Variants in NPHS1 observed in about 807,000 individuals in gnomAD.
NPHS1 encodes the protein nephrin.
NPHS1 carries 107 observed loss-of-function variants against 139.7 expected under a neutral mutation model. The observed-to-expected ratio is 0.77, with a 90% CI of 0.66 to 0.90. The LOEUF is 0.90. NPHS1 is among the 40% of genes least tolerant of loss of function. The pLI, the probability that NPHS1 is intolerant of heterozygous loss-of-function variation, is 0.00. For synonymous variants in NPHS1, 707 were observed against 706.6 expected (o/e 1.00, Z -0.01); for missense variants, 1,580 against 1,654.2 (o/e 0.96, Z 0.78).
rs1053234526 is a variant in NPHS1 at position 35,831,347 on chromosome 19, G to A, written c.3336C>T (p.Asn1112=). Residue 1112 remains asparagine, a synonymous_variant, in exon 26 of 29, where the codon AAC becomes AAT. Coordinates refer to ENST00000378910, the MANE Select transcript of NPHS1 (RefSeq NM_004646.4). ...EAGSEEDRVR[N]EYEESQWTGE... ...CTGTCCACTGGCTCTCCTCATATTC[G>A]TTCCTGACTCGGTCCTCTTCCGACC... 5 of 1,613,858 alleles carry A rather than the reference G, an allele frequency of 3.1e-6. No individual in the cohort carries two copies. The highest frequency in any genetic ancestry group is 3.4e-6 in the Non-Finnish European group (4 of 1,179,992).
At chr19:35,835,241 G>C (rs1972941479) in intron 23 of NPHS1, among the ~76,000 whole-genome samples, 1 of 147,904 alleles carries the variant, frequency 6.8e-6, no homozygotes, top group Non-Finnish European at 1.5e-5. Context: ...AGAAAAAAGA[G>C]GAAGCTCTAA....
At chr19:35,851,157 C>T in intron 3 of NPHS1, 68 bp from the exon 4 acceptor site, 2 of 1,613,520 alleles carry the variant, frequency 1.2e-6, no homozygotes, top group Middle Eastern at 1.6e-4. Context: ...AGTTCGGTAC[C>T]CAGAGTCTGG....
chr19:35,840,466 C>G (rs1202351688), intron 20 of NPHS1, among the ~76,000 whole-genome samples: 1 of 150,066 alleles, frequency 6.7e-6, no homozygotes, highest in Non-Finnish European at 1.5e-5. Flanking sequence ...TCCCGAGTAG[C>G]TGGGACTACA....
At position 35,826,445 on chromosome 19, in the gene NPHS1, G is replaced by A. The variant is rs1972801234; in HGVS notation, c.*69C>T. 6.3e-7 allele frequency: 1 copy of A among 1,595,848 alleles called. No homozygotes were observed. Among genetic ancestry groups the A allele is most frequent in the South Asian group, 1.1e-5 (1 of 90,640 alleles). ...GAGCTCACCTAACCAGCTCGGCCCA[G>A]GCTGTAATGAGAGAGACCAGTGGAG... is the stretch of plus-strand genomic sequence containing the variant. On this transcript the variant is annotated 3_prime_UTR_variant, in exon 29 of 29. Transcript: ENST00000378910.
chr19:35,828,274 C>A (rs935699763), intron 28 of NPHS1, among the ~76,000 whole-genome samples: 1 of 150,664 alleles, frequency 6.6e-6, no homozygotes, highest in Non-Finnish European at 1.5e-5. Context: ...TTTTCTTTTT[C>A]TTTTTTTTTG....
rs1167464212 is a variant in NPHS1, at chr19:35,848,689, C to T, written c.1118G>A (p.Arg373Gln). ...CAGCTGCCGCCAGCCCAGCCACCAT[C>T]GTAGCAGAACCCGCGGGCGACTGGA... ...SKSSRPRVLL[R>Q]WWLGWRQLLP... Residue 373 changes from arginine (R) to glutamine (Q), a missense_variant, in exon 9 of 29, where the codon CGA (arginine) becomes CAA (glutamine). Physicochemically the swap from Arg to Gln is conservative, Grantham distance 43. Coordinates refer to ENST00000378910, the MANE Select transcript of NPHS1 (RefSeq NM_004646.4). 1.9e-6 allele frequency: 3 copies of T among 1,613,994 alleles called. No individual in the cohort carries two copies. Among genetic ancestry groups the T allele is most frequent in the East Asian group, 2.2e-5 (1 of 44,888 alleles).
chr19:35,851,827 C>T lies in NPHS1; in HGVS notation c.11G>A (p.Gly4Glu), dbSNP rs557888757. The T allele has an allele frequency of 2.6e-6, 4 of 1,551,744 alleles. No individual in the cohort carries two copies. In the South Asian group the frequency reaches 3.6e-5, roughly 14 times the overall value. ...CAGGAGAGAAGCCCTGAGCGTCGTC[C>T]CCAGGGCCATCACAGGTCCCCCTAC... MAL[G>E]TTLRASLLLL... The change falls in exon 1 of 29, where the codon GGG becomes GAG. Residue 4 changes from glycine (G) to glutamate (E), a missense_variant. Physicochemically the swap from Gly to Glu is moderately conservative, Grantham distance 98 (BLOSUM62 -2). Coordinates refer to ENST00000378910, the MANE Select transcript of NPHS1 (RefSeq NM_004646.4).
In NPHS1 at chr19:35,845,901, C is replaced by T. The variant is rs1006229340; in HGVS notation, c.1628-103G>A. ...GCTCCGCCCAGTCTCGGGTCCCCCA[C>T]CCCGCCTCCGCCCGCTTTCCCCGGG... On this transcript the variant is annotated intron_variant, in intron 12 of 28. Transcript: ENST00000378910. This position sits in a 1 kb window ranked among gnomAD's most constrained non-coding sequence, Gnocchi z 5.5. 47 of 1,528,052 alleles carry T rather than the reference C, an allele frequency of 3.1e-5. No individual in the cohort carries two copies. The African/African-American group carries it at 5.6e-4, about 18-fold the overall frequency. The allele number at this position is 1,528,052 out of a possible 1,614,324, so 94.7% of individuals were successfully genotyped here. A position where few individuals can be genotyped will look rare whatever the true frequency, so the allele number is the denominator to read the frequency against.
Position 35,845,515 on chromosome 19 carries a change from G to C in NPHS1, c.1783C>G (p.Arg595Gly). 2 of 1,610,230 alleles carry C rather than the reference G, an allele frequency of 1.2e-6. No homozygotes were observed. Among genetic ancestry groups the C allele is most frequent in the South Asian group, 1.1e-5 (1 of 90,740 alleles). ...ERLEGVAAPP[R>G]RAPFKGSAAA... The stretch of plus-strand genomic sequence containing the variant: ...GCGGAGCCTTTGAATGGGGCTCTCC[G>C]GGGTGGGGCGGCCACGCCCTCCAGC... The change falls in exon 14 of 29, where the codon CGG (arginine) becomes GGG (glycine). Residue 595 changes from arginine (R) to glycine (G), a missense_variant. Transcript: ENST00000378910. The surrounding 1 kb of genome is among the most constrained non-coding windows in gnomAD (Gnocchi z 5.5).
At chr19:35,826,698 C>T in intron 28 of NPHS1, 53 bp from the exon 29 acceptor site, 2 of 1,604,820 alleles carry the variant, frequency 1.2e-6, no homozygotes, top group African/African-American at 1.3e-5. Flanking sequence ...TGTAGGTCTT[C>T]ATTGAAGATC....
In NPHS1 at chr19:35,852,051, C is replaced by A. The variant is rs1037095656; in HGVS notation, c.-214G>T. Among the ~76,000 whole-genome samples, 6 of 151,550 alleles carry A rather than the reference C, an allele frequency of 4.0e-5. No individual in the cohort carries two copies. The highest frequency in any genetic ancestry group is 8.8e-5 in the Non-Finnish European group (6 of 67,840). ...TCAGTCTCAATCTCTGAGTCTCTTT[C>A]TCTGTCTCTTTAAAAAAACTTTTTT... On this transcript the variant is annotated 5_prime_UTR_variant, in exon 1 of 29. Coordinates refer to ENST00000378910, the MANE Select transcript of NPHS1 (RefSeq NM_004646.4).
At chr19:35,838,841 C>A (rs1456056878) in intron 22 of NPHS1, among the ~76,000 whole-genome samples, 1 of 151,534 alleles carries the variant, frequency 6.6e-6, no homozygotes, top group Non-Finnish European at 1.5e-5. Context: ...GAGTGAAACT[C>A]CATCTCAAAA....
Position 35,851,065 on chromosome 19 carries a change from G to T in NPHS1, c.422C>A (p.Thr141Asn). 1 of 1,614,210 alleles carries T rather than the reference G, an allele frequency of 6.2e-7. No individual in the cohort carries two copies. Among genetic ancestry groups the T allele is most frequent in the South Asian group, 1.1e-5 (1 of 91,088 alleles). The change falls in exon 4 of 29, where the codon ACC (threonine) becomes AAC (asparagine). Residue 141 changes from threonine to asparagine, a missense_variant. Transcript: ENST00000378910. ...ILVPPKLLLL[T>N]PEAGTMVTWV... ...GGTGACCATGGTGCCTGCCTCTGGG[G>T]TCAGCAGGAGCAGCTTGGGAGGAAC...
chr19:35,842,366 G>T lies in NPHS1; in HGVS notation c.2506+13C>A, dbSNP rs771168504. 2.6e-5 allele frequency: 42 copies of T among 1,613,302 alleles called. No individual in the cohort carries two copies. Among genetic ancestry groups the T allele is most frequent in the Non-Finnish European group, 3.6e-5 (42 of 1,179,988 alleles). On this transcript the variant is annotated intron_variant, in intron 18 of 28. Transcript: ENST00000378910. The stretch of plus-strand genomic sequence containing the variant: ...TGGCAGGTCTTGAAGTCAGGTGTTT[G>T]GGTAATACCCACATCTGACAACAAG...
Position 35,844,097 on chromosome 19 carries a change from G to A in NPHS1, c.2212+6C>T. 1.2e-6 allele frequency: 2 copies of A among 1,606,132 alleles called. No individual in the cohort carries two copies. The highest frequency in any genetic ancestry group is 1.3e-5 in the African/African-American group (1 of 74,982). ...GGGTGTGGTTTCCATGGTGGGCGGG[G>A]CTCACAGTGCACGTCCAGCCGCAGC... On this transcript the variant is annotated splice_donor_region_variant and intron_variant, in intron 16 of 28. Coordinates refer to ENST00000378910, the MANE Select transcript of NPHS1 (RefSeq NM_004646.4).
At position 35,850,374 on chromosome 19, in the gene NPHS1, C is replaced by T; in HGVS notation, c.598G>A (p.Ala200Thr). 2 of 1,613,688 alleles carry T rather than the reference C, an allele frequency of 1.2e-6. No individual in the cohort carries two copies. Among genetic ancestry groups the T allele is most frequent in the South Asian group, 1.1e-5 (1 of 91,072 alleles). Reference sequence around the variant, plus strand: ...TTTCAGTTTCCACACCTGGCTGTGGCCTCCACAGTGAAGAGTTTCTGCTGG... The same window carrying T: ...TTTCAGTTTCCACACCTGGCTGTGGTCTCCACAGTGAAGAGTTTCTGCTGG... ...GSQQKLFTVE[A>T]TARVTPRSSD... is the part of the protein sequence containing the mutation. Residue 200 changes from alanine (A) to threonine (T), a missense_variant, in exon 5 of 29, where the codon GCC (alanine) becomes ACC (threonine). Coordinates refer to ENST00000378910, the MANE Select transcript of NPHS1 (RefSeq NM_004646.4).
Position 35,849,307 on chromosome 19 carries a change from C to A in NPHS1, c.769G>T (p.Ala257Ser). 1 of 1,613,130 alleles carries A rather than the reference C, an allele frequency of 6.2e-7. No individual in the cohort carries two copies. The change falls in exon 7 of 29, where the codon GCA (alanine) becomes TCA (serine). Residue 257 changes from alanine (A) to serine (S), a missense_variant. Transcript: ENST00000378910. ...CACGGCAGCTCCAAGCTCTGTCCTG[C>A]CCGCACGTGCCCCTCATCCAGGCCT... ...WPGLDEGHVR[A>S]GQSLELPCVA...
rs965293990 is a variant in NPHS1, at chr19:35,825,465, T to G, written c.*1049A>C. 6.6e-6 allele frequency among the ~76,000 whole-genome samples: 1 copy of G among 152,164 alleles called. No homozygotes were observed. Among genetic ancestry groups the G allele is most frequent in the African/African-American group, 2.4e-5 (1 of 41,446 alleles). On this transcript the variant is annotated 3_prime_UTR_variant, in exon 29 of 29. Coordinates refer to ENST00000378910, the MANE Select transcript of NPHS1 (RefSeq NM_004646.4). ...AAAGTTCAATGAGTTTTGACAAATC[T>G]GTGCACCCGTGCAACCACCACCACA...
chr19:35,836,173 C>G (rs1282201495), intron 22 of NPHS1, among the ~76,000 whole-genome samples: 1 of 145,410 alleles, frequency 6.9e-6, no homozygotes, highest in African/African-American at 2.6e-5. Context: ...GTTGGCCAGG[C>G]TAGTCTCGAA....
Sources: gnomAD v4.1 joint callset for allele counts (sites outside exome capture counted in the v4.1 genomes callset) on GRCh38, gnomAD v4.1.1 for gene constraint, Gnocchi (gnomAD v3.1) non-coding constraint, MANE v1.5 for transcripts, NCBI Gene and HGNC (gene_info 2026-07-23, HGNC 2026-07-21) for gene names.